EYS: variants seen among roughly 807,000 people sequenced by gnomAD.
EYS encodes protein eyes shut homolog.
Under a neutral mutation model 282.1 loss-of-function variants are expected in EYS, and 250 were observed. The ratio of observed to expected loss-of-function variants is 0.89; its 90% CI spans 0.80 to 0.98. The LOEUF is 0.98. Among genes scored for constraint, EYS ranks in the 50% least tolerant of loss-of-function variants. EYS has a pLI of 0.00. For missense variants in EYS, 4,016 were observed against 3,709.0 expected, an observed-to-expected ratio of 1.08 and a Z score of -2.15; for synonymous variants, 1,355 against 1,282.9, an observed-to-expected ratio of 1.06 and a Z score of -1.20.
chr6:65,130,268 C>G (rs1775832835), intron 12 of EYS, among the ~76,000 whole-genome samples: 1 of 151,790 alleles, frequency 6.6e-6, no homozygotes, highest in Non-Finnish European at 1.5e-5. Flanking sequence ...ATGCAATATA[C>G]TTATGTAATA....
chr6:63,797,848 C>T lies in EYS; in HGVS notation c.7411+8342G>A, dbSNP rs538311273. 9.9e-5 allele frequency: 15 copies of T among 152,218 alleles called. No individual in the cohort carries two copies. The East Asian group carries it at 2.7e-3, about 27-fold the overall frequency. The allele number at this position is 152,218 out of a possible 1,614,324, so 9.4% of individuals were successfully genotyped here. On this transcript the variant is annotated intron_variant, in intron 37 of 42. Coordinates refer to ENST00000503581, the MANE Select transcript of EYS (RefSeq NM_001142800.2). ...AGTGTGGAAGGGTTGATAGGAACAA[C>T]AAATCCAGTGCTATGCTCAGAGAAT...
Position 65,600,895 on chromosome 6 carries a change from G to A in EYS, c.-333+38883C>T, listed in dbSNP as rs73451211. 6.6e-3 allele frequency among the ~76,000 whole-genome samples: 997 copies of A among 151,812 alleles called. 16 individuals carry two copies. Among genetic ancestry groups the A allele is most frequent in the African/African-American group, 0.023 (942 of 41,430 alleles). On this transcript the variant is annotated intron_variant, in intron 2 of 42. Transcript: ENST00000503581. ...CTTTCCCTATTGTTTTAGGTAAGCC[G>A]TCAGTATATCTGTTTTGCAAAGAAA...
At chr6:64,746,652 G>A (rs1772564904) in intron 22 of EYS, among the ~76,000 whole-genome samples, 1 of 152,134 alleles carries the variant, frequency 6.6e-6, no homozygotes, top group Non-Finnish European at 1.5e-5. Context: ...GTTGTTTCAT[G>A]TTGATACCTC....
In EYS at chr6:65,581,062, C is replaced by T. The variant is rs574637678; in HGVS notation, c.-333+58716G>A. On this transcript the variant is annotated intron_variant, in intron 2 of 42. Transcript: ENST00000503581. Reference sequence around the variant, plus strand: ...AAAGTGAATTTCTCATAATGGATCTCTTAAGGAATTATCTATTAACATAAT... The same window carrying T: ...AAAGTGAATTTCTCATAATGGATCTTTTAAGGAATTATCTATTAACATAAT... Among the ~76,000 whole-genome samples, 3 of 152,144 alleles carry T rather than the reference C, an allele frequency of 2.0e-5. No individual in the cohort carries two copies. The South Asian group carries it at 6.2e-4, about 32-fold the overall frequency.
chr6:64,917,248 CAA>C (rs11435902), intron 15 of EYS, among the ~76,000 whole-genome samples: 3 of 136,754 alleles, frequency 2.2e-5, no homozygotes, highest in Non-Finnish European at 3.2e-5. Flanking sequence ...GACTTAGTCT[CAA>C]AAAAAAAAAA....
intron 5 of EYS, among the ~76,000 whole-genome samples, chr6:65,459,966 TTTTA>T (rs1303872469): frequency 3.2e-5 from 2 of 62,164 alleles, no homozygotes; most frequent in Admixed American, 2.3e-4. Context: ...TGTTTGTGTA[TTTTA>T]TATATATATA....
intron 1 of EYS, among the ~76,000 whole-genome samples, chr6:65,652,886 T>C (rs1042280355): frequency 1.3e-5 from 2 of 151,984 alleles, no homozygotes; most frequent in African/African-American, 2.4e-5. Context: ...TAAGAAATCA[T>C]TTATTTTCCA....
At chr6:64,863,537 C>A (rs770504835) in intron 19 of EYS, among the ~76,000 whole-genome samples, 1 of 152,008 alleles carries the variant, frequency 6.6e-6, no homozygotes, top group Non-Finnish European at 1.5e-5. Context: ...ATATTTTATT[C>A]CTTTAAAAAT....
intron 35 of EYS, among the ~76,000 whole-genome samples, chr6:63,941,013 T>A (rs1283033596): frequency 6.6e-6 from 1 of 152,152 alleles, no homozygotes; most frequent in Non-Finnish European, 1.5e-5. Flanking sequence ...GGACATGAAC[T>A]CACCCTTTTT....
intron 2 of EYS, among the ~76,000 whole-genome samples, chr6:65,623,709 A>G (rs1213101822): frequency 6.6e-6 from 1 of 152,200 alleles, no homozygotes; most frequent in East Asian, 1.9e-4. Flanking sequence ...ATAAACATGG[A>G]ATTATTTTGT....
intron 22 of EYS, among the ~76,000 whole-genome samples, chr6:64,721,351 T>C (rs545519735): frequency 6.6e-6 from 1 of 152,160 alleles, no homozygotes; most frequent in Non-Finnish European, 1.5e-5. Flanking sequence ...CAGAGTCAGA[T>C]GCTTTGCTGA....
chr6:65,278,913 G>T (rs1768140799), intron 12 of EYS, among the ~76,000 whole-genome samples: 1 of 152,092 alleles, frequency 6.6e-6, no homozygotes. Context: ...CTGTGGCCCA[G>T]CCCGGTGGCT....
rs923806640 is a variant in EYS, at chr6:64,825,463, G to A, written c.2993-2641C>T. On this transcript the variant is annotated intron_variant, in intron 19 of 42. Transcript: ENST00000503581. ...AATATTTGTTAAAAAATAAATCCTT[G>A]TCATATACGTGTGTGTGGGTTTATG... 2.6e-5 allele frequency among the ~76,000 whole-genome samples: 4 copies of A among 151,590 alleles called. No individual in the cohort carries two copies. The Admixed American group carries it at 2.6e-4, about 10-fold the overall frequency.
rs566161844 is a variant in EYS, at chr6:64,368,249, C to T, written c.6078+20441G>A. Among the ~76,000 whole-genome samples the T allele has an allele frequency of 2.0e-5, 3 of 152,190 alleles. No individual in the cohort carries two copies. The East Asian group carries it at 5.8e-4, about 29-fold the overall frequency. ...CACAATAATGGCCTCCTGCTCCATC[C>T]ATGTTGCTTCAAAGGACATGATAGC... On this transcript the variant is annotated intron_variant, in intron 29 of 42. Coordinates refer to ENST00000503581, the MANE Select transcript of EYS (RefSeq NM_001142800.2).
chr6:64,447,291 A>G (rs138863224), intron 26 of EYS, among the ~76,000 whole-genome samples: 266 of 152,208 alleles, frequency 1.7e-3, no homozygotes, highest in African/African-American at 6.2e-3. Context: ...TGTTCTACAA[A>G]TTGTGTCTAA....
At chr6:64,864,822 G>A (rs1189213189) in intron 19 of EYS, among the ~76,000 whole-genome samples, 1 of 151,788 alleles carries the variant, frequency 6.6e-6, no homozygotes, top group African/African-American at 2.4e-5. Context: ...GATCACCTGA[G>A]GTCAGGAGTT....
chr6:65,198,299 C>T (rs927359286), intron 12 of EYS, among the ~76,000 whole-genome samples: 1 of 151,994 alleles, frequency 6.6e-6, no homozygotes, highest in Non-Finnish European at 1.5e-5. Flanking sequence ...GGAATACCCT[C>T]GAAAGATCTG....
At chr6:65,548,207 T>C (rs2351262) in intron 2 of EYS, among the ~76,000 whole-genome samples, 113,246 of 152,092 alleles carry the variant, frequency 0.74, 42,920 homozygotes, top group African/African-American at 0.88. Flanking sequence ...TCATACTTAA[T>C]GCAGAATTTA....
Position 64,388,683 on chromosome 6 carries a change from G to T in EYS, c.6078+7C>A. 6.6e-7 allele frequency: 1 copy of T among 1,515,428 alleles called. No individual in the cohort carries two copies. The highest frequency in any genetic ancestry group is 8.9e-7 in the Non-Finnish European group (1 of 1,128,080). 93.9% of individuals were successfully genotyped at this position (1,515,428 alleles called of 1,614,324 possible). ...TAATTAATATTTTAAAACATCTATA[G>T]AAATACCTGGATTTTCCCATGAAGG... On this transcript the variant is annotated splice_region_variant and intron_variant, in intron 29 of 42. Coordinates refer to ENST00000503581, the MANE Select transcript of EYS (RefSeq NM_001142800.2).
Sources: gnomAD v4.1 joint callset for allele counts (sites outside exome capture counted in the v4.1 genomes callset) on GRCh38, gnomAD v4.1.1 for gene constraint, MANE v1.5 for transcripts, NCBI Gene and HGNC (gene_info 2026-07-23, HGNC 2026-07-21) for gene names.